The following MYOM1 variants were observed in gnomAD, a reference collection of about 807,000 sequenced individuals.
The protein encoded by MYOM1 is myomesin 1.
Under a neutral mutation model 205.3 loss-of-function variants are expected in MYOM1, and 164 were observed. The observed-to-expected ratio is 0.80, with a 90% CI of 0.70 to 0.91. The LOEUF (loss-of-function observed/expected upper bound fraction) is 0.91, where lower values mean the gene tolerates loss of function less well. Ranked by LOEUF, MYOM1 falls within the 40% of genes least tolerant of loss-of-function variation. The pLI is 0.00. For synonymous variants in MYOM1, 772 were observed against 789.4 expected, an observed-to-expected ratio of 0.98 and a Z score of 0.37; for missense variants, 2,011 against 2,127.3, an observed-to-expected ratio of 0.95 and a Z score of 1.08.
chr18:3,134,235 G>C (rs2079919054), intron 16 of MYOM1, among the ~76,000 whole-genome samples: 1 of 152,054 alleles, frequency 6.6e-6, no homozygotes, highest in Non-Finnish European at 1.5e-5. Flanking sequence ...TGTCCAGGCT[G>C]GCAGTGGCTA....
chr18:3,241,426 C>G, the MYOM1 span, among the ~76,000 whole-genome samples: 1 of 152,202 alleles, frequency 6.6e-6, no homozygotes, highest in Non-Finnish European at 1.5e-5. Context: ...GGTGCAAGAC[C>G]CAAGCCTTGG....
chr18:3,215,467 G>GGT (rs2081253185), intron 1 of MYOM1, among the ~76,000 whole-genome samples: 1 of 152,068 alleles, frequency 6.6e-6, no homozygotes, highest in Non-Finnish European at 1.5e-5. Flanking sequence ...AGCCGGGTGT[G>GGT]GTGTGTGTGT....
intron 2 of MYOM1, among the ~76,000 whole-genome samples, chr18:3,212,477 T>C (rs1389117362): frequency 2.0e-5 from 3 of 152,212 alleles, no homozygotes; most frequent in Non-Finnish European, 2.9e-5. Context: ...AGATTGCATA[T>C]GTGGCTAAAA....
chr18:3,225,159 T>G, the MYOM1 span, among the ~76,000 whole-genome samples: 4 of 151,344 alleles, frequency 2.6e-5, no homozygotes, highest in East Asian at 7.9e-4. Flanking sequence ...AACTAATTTT[T>G]TGTATTTTTT....
chr18:3,190,305 T>A (rs1451257759), intron 3 of MYOM1: 1 of 152,220 alleles, frequency 6.6e-6, no homozygotes. Context: ...TGAGTCTCCT[T>A]AGACCTCTTA....
intron 29 of MYOM1, 38 bp downstream of exon 29, chr18:3,089,136 C>T: frequency 6.9e-7 from 1 of 1,439,402 alleles, no homozygotes; most frequent in Non-Finnish European, 9.7e-7. Context: ...TATTTTATTT[C>T]CCTTGAATCA....
At chr18:3,090,950 G>A in intron 26 of MYOM1, 148 bp from the exon 27 acceptor site, 1 of 974,182 alleles carries the variant, frequency 1.0e-6, no homozygotes, top group Non-Finnish European at 1.5e-6. Context: ...GGGAGGTCGA[G>A]GTGGGAGGAT....
rs143642028 is a variant in MYOM1 at position 3,078,044 on chromosome 18, A to AT, written c.4648+1134dup. Among the ~76,000 whole-genome samples the AT allele has an allele frequency of 4.7e-3, 690 of 145,870 alleles. 1 individual carries two copies. Among genetic ancestry groups the AT allele is most frequent in the African/African-American group, 0.011 (458 of 39,868 alleles). ...CTGAGTTACTGCATATTGAGGTTGT[A>AT]TTTTTTTTTTTTTTTGAGACAGAGT... On this transcript the variant is annotated intron_variant, in intron 34 of 37. Transcript: ENST00000356443.
At chr18:3,089,335 G>T in intron 28 of MYOM1, 94 bp from the exon 29 acceptor site, 1 of 1,018,448 alleles carries the variant, frequency 9.8e-7, no homozygotes, top group Non-Finnish European at 1.4e-6. Flanking sequence ...TACATCTGAA[G>T]TCAGATTTTT....
chr18:3,136,611 T>G (rs936598336), intron 14 of MYOM1, among the ~76,000 whole-genome samples: 1 of 151,552 alleles, frequency 6.6e-6, no homozygotes, highest in Non-Finnish European at 1.5e-5. Context: ...ATTTTTTTGG[T>G]AGAGACAAGG....
chr18:3,213,036 G>A (rs1283982456), intron 2 of MYOM1, among the ~76,000 whole-genome samples: 1 of 152,180 alleles, frequency 6.6e-6, no homozygotes, highest in Admixed American at 6.5e-5. Context: ...GTAAACCCCA[G>A]CAGAGTCTGG....
At chr18:3,089,658 C>T in intron 27 of MYOM1, 62 bp from the exon 28 acceptor site, 1 of 1,286,764 alleles carries the variant, frequency 7.8e-7, no homozygotes, top group Non-Finnish European at 1.1e-6. Flanking sequence ...CACATGTCAG[C>T]CACTGCACTA....
rs1598646669 is a variant in MYOM1 at position 3,075,717 on chromosome 18, G to A, written c.4685+8C>T. On this transcript the variant is annotated splice_region_variant and intron_variant, in intron 35 of 37. Transcript: ENST00000356443. ...TGCAAGTGGCATTTGCTAGGACCAG[G>A]GACTTACTTCAACCTCTGGAATTCA... 1 of 1,601,390 alleles carries A rather than the reference G, an allele frequency of 6.2e-7. No individual in the cohort carries two copies. The highest frequency in any genetic ancestry group is 1.1e-5 in the South Asian group (1 of 89,274).
intron 18 of MYOM1, among the ~76,000 whole-genome samples, chr18:3,128,368 T>C (rs540626989): frequency 6.9e-4 from 105 of 152,250 alleles, no homozygotes; most frequent in African/African-American, 2.3e-3. Flanking sequence ...CATTTAAAAA[T>C]TTATCAGCAC....
At chr18:3,213,138 G>T (rs2081211372) in intron 2 of MYOM1, among the ~76,000 whole-genome samples, 2 of 152,136 alleles carry the variant, frequency 1.3e-5, no homozygotes, top group Admixed American at 1.3e-4. Context: ...ACCCAACAGG[G>T]ATTTCGGAAT....
chr18:3,106,666 A>G lies in MYOM1; in HGVS notation c.3419-4036T>C, dbSNP rs565883465. Among the ~76,000 whole-genome samples, 4 of 152,254 alleles carry G rather than the reference A, an allele frequency of 2.6e-5. No individual in the cohort carries two copies. The South Asian group carries it at 6.2e-4, about 24-fold the overall frequency. On this transcript the variant is annotated intron_variant, in intron 22 of 37. Coordinates refer to ENST00000356443, the MANE Select transcript of MYOM1 (RefSeq NM_003803.4). ...ATGAGACTCTGTATCTACAAAAAAA[A>G]TTTTTAATTAGTGGGATGTGGTGGC...
intron 22 of MYOM1, among the ~76,000 whole-genome samples, 177 bp downstream of exon 22, chr18:3,112,121 C>G (rs901808772): frequency 6.6e-6 from 1 of 152,176 alleles, no homozygotes; most frequent in Non-Finnish European, 1.5e-5. Context: ...CAACCCTGTC[C>G]TGAGGTGCCT....
chr18:3,218,022 T>C (rs1466609271), intron 1 of MYOM1, among the ~76,000 whole-genome samples: 1 of 152,096 alleles, frequency 6.6e-6, no homozygotes, highest in Non-Finnish European at 1.5e-5. Flanking sequence ...TCTCCCTACT[T>C]AAAGAGGTAA....
intron 16 of MYOM1, 56 bp from the exon 17 acceptor site, chr18:3,131,552 A>G: frequency 2.0e-6 from 3 of 1,517,036 alleles, no homozygotes; most frequent in Non-Finnish European, 2.7e-6. Context: ...AAGGAAGATG[A>G]TTGTTAGCTT....
Sources: gnomAD v4.1 joint callset for allele counts (sites outside exome capture counted in the v4.1 genomes callset) on GRCh38, gnomAD v4.1.1 for gene constraint, MANE v1.5 for transcripts, NCBI Gene and HGNC (gene_info 2026-07-23, HGNC 2026-07-21) for gene names.